Variants in RND2 observed in about 807,000 individuals in gnomAD.
The protein encoded by RND2 is Rho family GTPase 2, also known as rho-related GTP-binding protein RhoN.
RND2 carries 16 observed loss-of-function variants against 25.9 expected under a neutral mutation model. The observed-to-expected ratio is 0.62, with a 90% CI of 0.42 to 0.94. The LOEUF is 0.94. RND2 is among the 40% of genes least tolerant of loss of function. RND2 has a pLI of 0.00. For synonymous variants in RND2, 97 were observed against 118.1 expected, an observed-to-expected ratio of 0.82 and a Z score of 1.16; for missense variants, 276 against 305.5, an observed-to-expected ratio of 0.90 and a Z score of 0.72.
intron 1 of RND2, 57 bp downstream of exon 1, chr17:43,025,506 G>A (rs2050613446): frequency 1.3e-6 from 2 of 1,526,058 alleles, no homozygotes; most frequent in Admixed American, 2.0e-5. Flanking sequence ...GTGGGTGACA[G>A]GGGCCCTGGC....
rs1344371305 is a variant in RND2 at position 43,028,059 on chromosome 17, AG to A, written c.301-1del. 1 of 1,612,928 alleles carries A rather than the reference AG, an allele frequency of 6.2e-7. No individual in the cohort carries two copies. Among genetic ancestry groups the A allele is most frequent in the East Asian group, 2.2e-5 (1 of 44,848 alleles). On this transcript the variant is annotated splice_acceptor_variant, in intron 3 of 4. Transcript: ENST00000587250. LOFTEE classifies it high-confidence loss of function. The stretch of plus-strand genomic sequence containing the variant: ...ACAATTCTCTTTTCTTCTCCTACAT[AG>A]TGGCAAGGAGAGACTCAAGAGTTCT...
chr17:43,031,136 A>C lies in RND2; in HGVS notation c.*2456A>C, dbSNP rs1344236950. 1 of 152,246 alleles carries C rather than the reference A, an allele frequency of 6.6e-6. No individual in the cohort carries two copies. The highest frequency in any genetic ancestry group is 1.9e-4 in the East Asian group (1 of 5,184). The allele number at this position is 152,246 out of a possible 1,614,324, so 9.4% of individuals were successfully genotyped here. ...ACCCTGTCTCTAAAAAAAATTAAAA[A>C]ATAAAAAATAAAAAATAGCTTCTCC... On this transcript the variant is annotated 3_prime_UTR_variant, in exon 5 of 5. Coordinates refer to ENST00000587250, the MANE Select transcript of RND2 (RefSeq NM_005440.5).
Position 43,025,267 on chromosome 17 carries a change from G to A in RND2, c.-81G>A, listed in dbSNP as rs2050609919. The A allele has an allele frequency of 2.4e-6, 3 of 1,251,488 alleles. No individual in the cohort carries two copies. Among genetic ancestry groups the A allele is most frequent in the African/African-American group, 3.1e-5 (2 of 63,494 alleles). 77.5% of individuals were successfully genotyped at this position (1,251,488 alleles called of 1,614,324 possible). A position where few individuals can be genotyped will look rare whatever the true frequency, so the allele number is the denominator to read the frequency against. On this transcript the variant is annotated 5_prime_UTR_variant, in exon 1 of 5. Coordinates refer to ENST00000587250, the MANE Select transcript of RND2 (RefSeq NM_005440.5). ...AGATGCCGGTGTTGGCGGCCCGAGC[G>A]GCTGCAGTTGCAGGGGCGGGGGAGG... is the stretch of plus-strand genomic sequence containing the variant.
At chr17:43,027,992 G>C in intron 3 of RND2, 69 bp from the exon 4 acceptor site, 3 of 1,536,300 alleles carry the variant, frequency 2.0e-6, no homozygotes, top group Non-Finnish European at 2.6e-6. Context: ...CACACTGCTG[G>C]CATGGCACAA....
rs1475003065 is a variant in RND2 at position 43,029,963 on chromosome 17, C to G, written c.*1283C>G. On this transcript the variant is annotated 3_prime_UTR_variant, in exon 5 of 5. Coordinates refer to ENST00000587250, the MANE Select transcript of RND2 (RefSeq NM_005440.5). ...AAAAGCCTCCACATCACAGAAGCTA[C>G]CCCTGTACAGCGTGAAGTTTCCTAA... The G allele has an allele frequency of 6.6e-6, 1 of 151,378 alleles. No homozygotes were observed. The highest frequency in any genetic ancestry group is 1.9e-4 in the East Asian group (1 of 5,174). The allele number at this position is 151,378 out of a possible 1,614,324, so 9.4% of individuals were successfully genotyped here.
At chr17:43,028,382 C>A in intron 4 of RND2, 50 bp from the exon 5 acceptor site, 1 of 1,601,008 alleles carries the variant, frequency 6.2e-7, no homozygotes, top group African/African-American at 1.3e-5. Context: ...CCTTTCTAAG[C>A]TGCAGGCTAA....
At chr17:43,026,719 C>T (rs1347105256) in intron 2 of RND2, among the ~76,000 whole-genome samples, 1 of 152,166 alleles carries the variant, frequency 6.6e-6, no homozygotes, top group Non-Finnish European at 1.5e-5. Flanking sequence ...TGTTTCTCTC[C>T]ATTGAACTAG....
Position 43,029,058 on chromosome 17 carries a change from C to G in RND2, c.*378C>G, listed in dbSNP as rs945802928. Reference sequence around the variant, plus strand: ...CCCAAGGAAAATGTCCATTCTATGACCTTCTCTTTTCCTCTCCTCTCACTT... The same window carrying G: ...CCCAAGGAAAATGTCCATTCTATGAGCTTCTCTTTTCCTCTCCTCTCACTT... On this transcript the variant is annotated 3_prime_UTR_variant, in exon 5 of 5. Coordinates refer to ENST00000587250, the MANE Select transcript of RND2 (RefSeq NM_005440.5). 1 of 242,948 alleles carries G rather than the reference C, an allele frequency of 4.1e-6. No individual in the cohort carries two copies. The highest frequency in any genetic ancestry group is 4.9e-5 in the Admixed American group (1 of 20,346). The allele number at this position is 242,948 out of a possible 1,614,324, so 15.0% of individuals were successfully genotyped here.
rs1358357378 is a variant in RND2 at position 43,031,670 on chromosome 17, CCA to C, written c.*2991_*2992del. The C allele has an allele frequency of 6.6e-6, 1 of 152,314 alleles. No individual in the cohort carries two copies. Among genetic ancestry groups the C allele is most frequent in the East Asian group, 1.9e-4 (1 of 5,186 alleles). The allele number at this position is 152,314 out of a possible 1,614,324, so 9.4% of individuals were successfully genotyped here. A position where few individuals can be genotyped will look rare whatever the true frequency, so the allele number is the denominator to read the frequency against. ...AGGGAATGCAAATGCATTTAAATATCCATCTAAAGCAAACATAATTAGAAAAA... is the reference window on the plus strand; with the variant it reads ...AGGGAATGCAAATGCATTTAAATATCTCTAAAGCAAACATAATTAGAAAAA... On this transcript the variant is annotated 3_prime_UTR_variant, in exon 5 of 5. Coordinates refer to ENST00000587250, the MANE Select transcript of RND2 (RefSeq NM_005440.5).
At position 43,028,597 on chromosome 17, in the gene RND2, T is replaced by A; in HGVS notation, c.601T>A (p.Ser201Thr). ...RTDSRRGMQR[S>T]AQLSGRPDRG... ...TGACTCACGCCGGGGAATGCAGCGATCCGCTCAGCTGTCAGGACGGCCAGA... is the reference window on the plus strand; with the variant it reads ...TGACTCACGCCGGGGAATGCAGCGAACCGCTCAGCTGTCAGGACGGCCAGA... Residue 201 changes from serine (S) to threonine (T), a missense_variant, in exon 5 of 5, where the codon TCC becomes ACC. Physicochemically the swap from Ser to Thr is moderately conservative, Grantham distance 58. Coordinates refer to ENST00000587250, the MANE Select transcript of RND2 (RefSeq NM_005440.5). 4 of 1,613,912 alleles carry A rather than the reference T, an allele frequency of 2.5e-6. No individual in the cohort carries two copies. The South Asian group carries it at 3.3e-5, about 13-fold the overall frequency.
chr17:43,027,249 T>G lies in RND2; in HGVS notation c.257T>G (p.Phe86Cys). Residue 86 changes from phenylalanine (F) to cysteine (C), a missense_variant, in exon 3 of 5, where the codon TTC becomes TGC. Physicochemically the swap from Phe to Cys is radical, Grantham distance 205. Coordinates refer to ENST00000587250, the MANE Select transcript of RND2 (RefSeq NM_005440.5). ...GATTCTGATGCTGTGCTCATCTGCT[T>G]CGACATTAGCCGACCAGAAACACTG... The part of the protein sequence containing the change: ...YPDSDAVLIC[F>C]DISRPETLDS... 6.2e-7 allele frequency: 1 copy of G among 1,613,184 alleles called. No homozygotes were observed. The highest frequency in any genetic ancestry group is 8.5e-7 in the Non-Finnish European group (1 of 1,179,514).
rs2050668290 is a variant in RND2 at position 43,031,016 on chromosome 17, G to C, written c.*2336G>C. The C allele has an allele frequency of 6.6e-6, 1 of 152,206 alleles. No homozygotes were observed. The highest frequency in any genetic ancestry group is 1.5e-5 in the Non-Finnish European group (1 of 68,074). 9.4% of individuals were successfully genotyped at this position (152,206 alleles called of 1,614,324 possible). A position where few individuals can be genotyped will look rare whatever the true frequency, so the allele number is the denominator to read the frequency against. ...ATCCCAGCCAAGATTCCTCCTTTGG[G>C]AGGCCAAGCTGGGAGGATCGCTTGA... On this transcript the variant is annotated 3_prime_UTR_variant, in exon 5 of 5. Coordinates refer to ENST00000587250, the MANE Select transcript of RND2 (RefSeq NM_005440.5).
chr17:43,027,928 A>G (rs1356643012), intron 3 of RND2, 133 bp from the exon 4 acceptor site: 3 of 1,058,428 alleles, frequency 2.8e-6, no homozygotes, highest in Non-Finnish European at 2.7e-6. Context: ...CTCCTTCCTC[A>G]TGTGGGAGAG....
At chr17:43,027,378 T>TGCCCAGGAG in intron 3 of RND2, 86 bp downstream of exon 3, 1 of 898,270 alleles carries the variant, frequency 1.1e-6, no homozygotes, top group Non-Finnish European at 1.7e-6. Context: ...GAGGAGGGAG[T>TGCCCAGGAG]GATGGCTGGG....
rs754659995 is a variant in RND2 at position 43,028,625 on chromosome 17, G to C, written c.629G>C (p.Arg210Pro). The stretch of plus-strand genomic sequence containing the variant: ...GCTCAGCTGTCAGGACGGCCAGACC[G>C]GGGGAATGAGGGCGAGATACACAAG... ...RSAQLSGRPD[R>P]GNEGEIHKDR... is the part of the protein sequence containing the mutation. Residue 210 changes from arginine to proline, a missense_variant, in exon 5 of 5, where the codon CGG (arginine) becomes CCG (proline). Coordinates refer to ENST00000587250, the MANE Select transcript of RND2 (RefSeq NM_005440.5). The C allele has an allele frequency of 1.2e-5, 19 of 1,609,708 alleles. No homozygotes were observed. In the South Asian group the frequency reaches 1.7e-4, roughly 14 times the overall value.
chr17:43,027,163 C>A lies in RND2; in HGVS notation c.191-20C>A. The A allele has an allele frequency of 6.5e-7, 1 of 1,539,624 alleles. No homozygotes were observed. On this transcript the variant is annotated intron_variant, in intron 2 of 4. Transcript: ENST00000587250. Reference sequence around the variant, plus strand: ...AGGCCTCCCATCCACTCAGGCCCCTCATGCCCTGTCTTCCTTCAGGTTCCT... The same window carrying A: ...AGGCCTCCCATCCACTCAGGCCCCTAATGCCCTGTCTTCCTTCAGGTTCCT...
Position 43,028,188 on chromosome 17 carries a change from A to G in RND2, c.428A>G (p.His143Arg), listed in dbSNP as rs1469089664. Residue 143 changes from histidine (H) to arginine (R), a missense_variant, in exon 4 of 5, where the codon CAT (histidine) becomes CGT (arginine). Physicochemically the swap from His to Arg is conservative, Grantham distance 29. Transcript: ENST00000587250. ...AAGCAGAGGCTTATCCCTGTTACACATGAGCAGGTGGGACCCTTGACGTCT... is the reference window on the plus strand; with the variant it reads ...AAGCAGAGGCTTATCCCTGTTACACGTGAGCAGGTGGGACCCTTGACGTCT... ...LSKQRLIPVT[H>R]EQGTVLAKQV... is the part of the protein sequence containing the mutation. 6.2e-7 allele frequency: 1 copy of G among 1,614,186 alleles called. No homozygotes were observed. The highest frequency in any genetic ancestry group is 1.3e-5 in the African/African-American group (1 of 75,048).
In RND2 at chr17:43,028,446, C is replaced by T; in HGVS notation, c.450C>T (p.Ala150=). 1 of 1,614,012 alleles carries T rather than the reference C, an allele frequency of 6.2e-7. No homozygotes were observed. Among genetic ancestry groups the T allele is most frequent in the Non-Finnish European group, 8.5e-7 (1 of 1,179,860 alleles). ...TCCTTTTCCAGGGCACTGTGCTGGCCAAGCAGGTGGGGGCTGTGTCCTATG... is the reference window on the plus strand; with the variant it reads ...TCCTTTTCCAGGGCACTGTGCTGGCTAAGCAGGTGGGGGCTGTGTCCTATG... ...PVTHEQGTVL[A]KQVGAVSYVE... The change falls in exon 5 of 5, where the codon GCC becomes GCT. Residue 150 remains alanine (A), a synonymous_variant. Transcript: ENST00000587250.
chr17:43,028,011 G>A (rs1432132974), intron 3 of RND2, 50 bp from the exon 4 acceptor site: 13 of 1,575,516 alleles, frequency 8.3e-6, no homozygotes, highest in East Asian at 7.0e-5. Flanking sequence ...AAAGGCTCAC[G>A]CTGTGCCTCC....
Sources: allele counts gnomAD v4.1 joint callset (sites outside exome capture counted in the v4.1 genomes callset), GRCh38; gene constraint gnomAD v4.1.1; transcripts MANE v1.5; gene names NCBI Gene and HGNC (gene_info 2026-07-23, HGNC 2026-07-21).